CDH3: variants seen among roughly 807,000 people sequenced by gnomAD.
CDH3 encodes the protein cadherin-3.
CDH3 carries 54 observed loss-of-function variants against 82.0 expected under a neutral mutation model. The observed-to-expected ratio is 0.66, with a 90% CI of 0.53 to 0.83. The LOEUF (loss-of-function observed/expected upper bound fraction) is 0.83. CDH3 is among the 40% of genes least tolerant of loss of function. The pLI, the probability that CDH3 is intolerant of heterozygous loss-of-function variation, is 0.00. For synonymous variants in CDH3, 446 were observed against 437.9 expected, an observed-to-expected ratio of 1.02 and a Z score of -0.23; for missense variants, 1,054 against 1,084.6, an observed-to-expected ratio of 0.97 and a Z score of 0.40.
intron 15 of CDH3, 91 bp from the exon 16 acceptor site, chr16:68,698,100 G>A (rs1353686413): frequency 8.8e-7 from 1 of 1,133,262 alleles, no homozygotes; most frequent in African/African-American, 1.5e-5. Flanking sequence ...TAGGGGAGGG[G>A]AGAGAGGGGC....
intron 2 of CDH3, among the ~76,000 whole-genome samples, chr16:68,671,427 C>T (rs1452384734): frequency 1.3e-5 from 2 of 152,014 alleles, no homozygotes; most frequent in African/African-American, 4.8e-5. Context: ...CATAGTCTTC[C>T]CTCTGTAACT....
At chr16:68,654,500 C>T (rs1321386733) in intron 2 of CDH3, among the ~76,000 whole-genome samples, 1 of 123,566 alleles carries the variant, frequency 8.1e-6, no homozygotes, top group Non-Finnish European at 1.6e-5. Flanking sequence ...GTCAAGAGTT[C>T]GAGACCAGCC....
At position 68,680,951 on chromosome 16, in the gene CDH3, C is replaced by A; in HGVS notation, c.868-17C>A. 1 of 1,613,940 alleles carries A rather than the reference C, an allele frequency of 6.2e-7. No individual in the cohort carries two copies. The highest frequency in any genetic ancestry group is 1.1e-5 in the South Asian group (1 of 91,038). On this transcript the variant is annotated splice_polypyrimidine_tract_variant and intron_variant, in intron 7 of 15. Transcript: ENST00000264012. ...AGATTAAACTCACAATGGGCTTCCC[C>A]TCTCCTTTCTCCCCAGAAAGTCCCT...
intron 2 of CDH3, among the ~76,000 whole-genome samples, chr16:68,659,434 G>A: frequency 6.6e-6 from 1 of 152,038 alleles, no homozygotes; most frequent in South Asian, 2.1e-4. Flanking sequence ...GCCAGGCATG[G>A]TGGTGCATGC....
intron 2 of CDH3, among the ~76,000 whole-genome samples, chr16:68,663,548 T>G (rs893221569): frequency 6.6e-6 from 1 of 152,100 alleles, no homozygotes; most frequent in Admixed American, 6.5e-5. Context: ...GTGACCTTAT[T>G]TCATTTTTTT....
At chr16:68,652,932 T>G (rs1960291557) in intron 2 of CDH3, among the ~76,000 whole-genome samples, 1 of 152,232 alleles carries the variant, frequency 6.6e-6, no homozygotes, top group African/African-American at 2.4e-5. Flanking sequence ...ACAATTCTGC[T>G]GTTGATGGGC....
chr16:68,667,589 G>A lies in CDH3; in HGVS notation c.161-8796G>A, dbSNP rs1336708608. Among the ~76,000 whole-genome samples, 3 of 152,340 alleles carry A rather than the reference G, an allele frequency of 2.0e-5. No homozygotes were observed. The East Asian group carries it at 5.8e-4, about 29-fold the overall frequency. On this transcript the variant is annotated intron_variant, in intron 2 of 15. Coordinates refer to ENST00000264012, the MANE Select transcript of CDH3 (RefSeq NM_001793.6). ...AGGGTATTCCCTTGGGAGTATGGAGGTGTCTAGGCAAATTCCAACCTAAAA... is the reference window on the plus strand; with the variant it reads ...AGGGTATTCCCTTGGGAGTATGGAGATGTCTAGGCAAATTCCAACCTAAAA...
intron 2 of CDH3, among the ~76,000 whole-genome samples, chr16:68,670,907 T>C (rs1406779766): frequency 6.6e-6 from 1 of 151,990 alleles, no homozygotes; most frequent in Non-Finnish European, 1.5e-5. Flanking sequence ...ACCCTGTCTC[T>C]ACTAAGAATA....
At chr16:68,678,339 G>A (rs1961094644) in intron 4 of CDH3, 62 bp downstream of exon 4, 2 of 1,602,730 alleles carry the variant, frequency 1.2e-6, no homozygotes, top group South Asian at 1.1e-5. Context: ...CCAAAGGCCT[G>A]CATGAGATTT....
rs760059557 is a variant in CDH3 at position 68,707,936 on chromosome 16, G to A, written c.99+12013G>A. Among the ~76,000 whole-genome samples the A allele has an allele frequency of 3.9e-5, 6 of 152,020 alleles. No individual in the cohort carries two copies. The highest frequency in any genetic ancestry group is 8.8e-5 in the Non-Finnish European group (6 of 68,002). ...CACTGTTGTCCATCCGGTAAACCAC[G>A]GCCAGCCCACAGCTGACAGGGCAGG... On this transcript the variant is annotated intron_variant, in intron 1 of 2. Coordinates refer to the CDH3 transcript ENST00000569080. The surrounding 1 kb of genome is among the most constrained non-coding windows in gnomAD (Gnocchi z 4.5).
intron 2 of CDH3, among the ~76,000 whole-genome samples, chr16:68,660,560 T>A (rs1321753815): frequency 1.3e-5 from 2 of 152,206 alleles, no homozygotes; most frequent in Non-Finnish European, 2.9e-5. Flanking sequence ...TCTGTTCTTA[T>A]TTTCCCCCCA....
intron 1 of CDH3, among the ~76,000 whole-genome samples, chr16:68,716,571 T>C (rs1436956424): frequency 7.6e-6 from 1 of 131,632 alleles, no homozygotes; most frequent in South Asian, 2.3e-4. Flanking sequence ...CAATGAGCTA[T>C]GACCATGCCA....
chr16:68,656,584 G>A lies in CDH3; in HGVS notation c.160+10834G>A, dbSNP rs149805509. On this transcript the variant is annotated intron_variant, in intron 2 of 15. Coordinates refer to ENST00000264012, the MANE Select transcript of CDH3 (RefSeq NM_001793.6). ...CCCATTTAACTGGATAGGAAACCTCGGCTTGTCACTTTGTAACTATCTAAG... is the reference window on the plus strand; with the variant it reads ...CCCATTTAACTGGATAGGAAACCTCAGCTTGTCACTTTGTAACTATCTAAG... Among the ~76,000 whole-genome samples the A allele has an allele frequency of 3.6e-3, 551 of 152,234 alleles. 1 individual carries two copies. Among genetic ancestry groups the A allele is most frequent in the African/African-American group, 0.011 (456 of 41,516 alleles).
At chr16:68,669,371 T>C (rs1960823928) in intron 2 of CDH3, among the ~76,000 whole-genome samples, 1 of 152,190 alleles carries the variant, frequency 6.6e-6, no homozygotes, top group Non-Finnish European at 1.5e-5. Context: ...CAGATGTATC[T>C]GGAATATGCA....
rs770630272 is a variant in CDH3, at chr16:68,681,023, C to T, written c.923C>T (p.Ser308Phe). Residue 308 changes from serine (S) to phenylalanine (F), a missense_variant, in exon 8 of 16, where the codon TCC becomes TTC. Coordinates refer to ENST00000264012, the MANE Select transcript of CDH3 (RefSeq NM_001793.6). ...IQATDMDGDG[S>F]TTTAVAVVEI... The stretch of plus-strand genomic sequence containing the variant: ...GCCACAGACATGGATGGGGACGGCT[C>T]CACCACCACGGCAGTGGCAGTAGTG... 19 of 1,614,104 alleles carry T rather than the reference C, an allele frequency of 1.2e-5. No individual in the cohort carries two copies. Among genetic ancestry groups the T allele is most frequent in the Non-Finnish European group, 1.6e-5 (19 of 1,180,004 alleles).
downstream of CDH3, among the ~76,000 whole-genome samples, chr16:68,701,485 T>A (rs1180330021): frequency 6.6e-6 from 1 of 152,106 alleles, no homozygotes; most frequent in Admixed American, 6.5e-5. Flanking sequence ...TTGAATTTTG[T>A]GTTTCAACAC....
chr16:68,724,520 G>A lies in CDH3; in HGVS notation c.*45+1904G>A, dbSNP rs552018915. Among the ~76,000 whole-genome samples, 6 of 152,016 alleles carry A rather than the reference G, an allele frequency of 3.9e-5. No homozygotes were observed. The East Asian group carries it at 7.7e-4, about 20-fold the overall frequency. On this transcript the variant is annotated intron_variant, in intron 2 of 2. Transcript: ENST00000569080. ...ACATACCTGTTAGTCTCAGCTACTC[G>A]GGAGGCTGACGCAGGAGAATCACTT...
At chr16:68,652,685 C>T (rs1157466892) in intron 2 of CDH3, among the ~76,000 whole-genome samples, 1 of 152,198 alleles carries the variant, frequency 6.6e-6, no homozygotes, top group Non-Finnish European at 1.5e-5. Context: ...CAAGAAACAG[C>T]ATTACCAGAG....
chr16:68,659,745 G>A (rs1960508784), intron 2 of CDH3, among the ~76,000 whole-genome samples: 1 of 149,508 alleles, frequency 6.7e-6, no homozygotes, highest in Admixed American at 6.7e-5. Context: ...TTCTTCCCCA[G>A]TTCTACTCTC....
Sources: allele counts gnomAD v4.1 joint callset (sites outside exome capture counted in the v4.1 genomes callset), GRCh38; gene constraint gnomAD v4.1.1; non-coding constraint Gnocchi (gnomAD v3.1); transcripts MANE v1.5; gene names NCBI Gene and HGNC (gene_info 2026-07-23, HGNC 2026-07-21).